The following MOCS1 variants were observed in gnomAD, a reference collection of about 807,000 sequenced individuals.
MOCS1 encodes the protein molybdenum cofactor biosynthesis protein 1.
MOCS1 carries 39 observed loss-of-function variants against 57.6 expected under a neutral mutation model. The observed-to-expected ratio is 0.68, with a 90% CI of 0.52 to 0.88. MOCS1 has a LOEUF of 0.88. Among genes scored for constraint, MOCS1 ranks in the 40% least tolerant of loss-of-function variants. MOCS1 has a pLI of 0.00. For missense variants in MOCS1, 795 were observed against 831.1 expected, an observed-to-expected ratio of 0.96 and a Z score of 0.53; for synonymous variants, 334 against 335.7, an observed-to-expected ratio of 1.00 and a Z score of 0.05.
chr6:39,922,722 G>T (rs562577418), intron 3 of MOCS1, among the ~76,000 whole-genome samples: 1 of 152,290 alleles, frequency 6.6e-6, no homozygotes, highest in South Asian at 2.1e-4. Context: ...GGGGTGTTCT[G>T]CAGCACCTCT....
intron 4 of MOCS1, among the ~76,000 whole-genome samples, chr6:39,915,608 C>T (rs1469351517): frequency 6.6e-6 from 1 of 152,056 alleles, no homozygotes; most frequent in Admixed American, 6.5e-5. Context: ...ATAGGAGGGG[C>T]TTATACCCAG....
chr6:39,913,656 C>T lies in MOCS1; in HGVS notation c.645+118G>A, dbSNP rs73414868. The T allele has an allele frequency of 5.3e-3, 6,395 of 1,204,554 alleles. 215 individuals carry two copies. The African/African-American group carries it at 0.077, about 14-fold the overall frequency. 74.6% of individuals were successfully genotyped at this position (1,204,554 alleles called of 1,614,324 possible). On this transcript the variant is annotated intron_variant, in intron 5 of 10. Transcript: ENST00000340692. ...GGGAGAGAAGAGGTGGAAGGGTGCA[C>T]GTACTTCAGCCATGCTGGCCAGAGC...
chr6:39,906,876 T>C lies in MOCS1; in HGVS notation c.1392A>G (p.Pro464=). The change falls in exon 11 of 11, where the codon CCA becomes CCG. Residue 464 remains proline (P), a synonymous_variant. Coordinates refer to ENST00000340692, the MANE Select transcript of MOCS1 (RefSeq NM_001358530.2). ...AGGGGGCAGCAGAAGCCCAGGAACCTGGGCTAAGGCACTTTGAGTTGGCAT... is the reference window on the plus strand; with the variant it reads ...AGGGGGCAGCAGAAGCCCAGGAACCCGGGCTAAGGCACTTTGAGTTGGCAT... ...DSDANSKCLS[P]GSWASAAPSG... is the part of the protein sequence containing the mutation. 1 of 1,614,194 alleles carries C rather than the reference T, an allele frequency of 6.2e-7. No homozygotes were observed. Among genetic ancestry groups the C allele is most frequent in the Non-Finnish European group, 8.5e-7 (1 of 1,180,040 alleles).
rs773780855 is a variant in MOCS1 at position 39,905,651 on chromosome 6, G to A, written c.*706C>T. On this transcript the variant is annotated 3_prime_UTR_variant, in exon 11 of 11. Coordinates refer to ENST00000340692, the MANE Select transcript of MOCS1 (RefSeq NM_001358530.2). ...GGAACAGCCGTGAACAGGGCCAGGT[G>A]TGGGCTGTGTGGTCTGGCAGGAGTC... 4 of 471,106 alleles carry A rather than the reference G, an allele frequency of 8.5e-6. No homozygotes were observed. Among genetic ancestry groups the A allele is most frequent in the Non-Finnish European group, 8.8e-6 (2 of 227,088 alleles). 29.2% of individuals were successfully genotyped at this position (471,106 alleles called of 1,614,324 possible).
At chr6:39,913,554 A>C in intron 5 of MOCS1, 126 bp from the exon 6 acceptor site, 1 of 967,750 alleles carries the variant, frequency 1.0e-6, no homozygotes, top group Non-Finnish European at 1.6e-6. Flanking sequence ...TCTCCCACTC[A>C]GTTCTCTAAG....
At chr6:39,930,038 C>A (rs145870112) in intron 1 of MOCS1, among the ~76,000 whole-genome samples, 1 of 151,692 alleles carries the variant, frequency 6.6e-6, no homozygotes, top group Non-Finnish European at 1.5e-5. Context: ...GTGACCTTGT[C>A]TAGACTTATG....
At chr6:39,921,122 G>T (rs1767942376) in intron 3 of MOCS1, among the ~76,000 whole-genome samples, 1 of 151,630 alleles carries the variant, frequency 6.6e-6, no homozygotes, top group Non-Finnish European at 1.5e-5. Flanking sequence ...CCAAATGGCT[G>T]GGCGCAGTGG....
At chr6:39,910,901 C>T (rs949526887) in intron 8 of MOCS1, among the ~76,000 whole-genome samples, 2 of 152,094 alleles carry the variant, frequency 1.3e-5, no homozygotes, top group Admixed American at 1.3e-4. Flanking sequence ...CATTTCTCCC[C>T]TACTTCCTCC....
intron 8 of MOCS1, among the ~76,000 whole-genome samples, chr6:39,911,320 C>T (rs2149401786): frequency 6.6e-6 from 1 of 152,300 alleles, no homozygotes; most frequent in South Asian, 2.1e-4. Context: ...TCATCACCCT[C>T]CCACAATTGT....
Position 39,905,617 on chromosome 6 carries a change from G to T in MOCS1, c.*740C>A, listed in dbSNP as rs1485979194. The T allele has an allele frequency of 2.1e-6, 1 of 471,212 alleles. No homozygotes were observed. Among genetic ancestry groups the T allele is most frequent in the Admixed American group, 2.3e-5 (1 of 42,584 alleles). 29.2% of individuals were successfully genotyped at this position (471,212 alleles called of 1,614,324 possible). On this transcript the variant is annotated 3_prime_UTR_variant, in exon 11 of 11. Coordinates refer to ENST00000340692, the MANE Select transcript of MOCS1 (RefSeq NM_001358530.2). ...TCCCTGATATGCTCCAGAATAAAGAGGGGTGGGTGGAACAGCCGTGAACAG... is the reference window on the plus strand; with the variant it reads ...TCCCTGATATGCTCCAGAATAAAGATGGGTGGGTGGAACAGCCGTGAACAG...
chr6:39,909,984 C>G lies in MOCS1; in HGVS notation c.982-29G>C, dbSNP rs764593269. 5 of 1,610,892 alleles carry G rather than the reference C, an allele frequency of 3.1e-6. No homozygotes were observed. In the Admixed American group the frequency reaches 6.7e-5, roughly 21 times the overall value. ...CATGTGGGTGAGGACAATATGCCTTCCTTACCCCTGAGCCTTGGCCTCCTG... is the reference window on the plus strand; with the variant it reads ...CATGTGGGTGAGGACAATATGCCTTGCTTACCCCTGAGCCTTGGCCTCCTG... On this transcript the variant is annotated intron_variant, in intron 8 of 10. Transcript: ENST00000340692.
Position 39,913,004 on chromosome 6 carries a change from C to T in MOCS1, c.758G>A (p.Gly253Asp). The T allele has an allele frequency of 6.2e-7, 1 of 1,613,902 alleles. No individual in the cohort carries two copies. Among genetic ancestry groups the T allele is most frequent in the Non-Finnish European group, 8.5e-7 (1 of 1,179,782 alleles). ...CATCTTCTTGAAGTTCCACTTGTTGCCTGTATTCGGGATGGGGGAAGGCAA... is the reference window on the plus strand; with the variant it reads ...CATCTTCTTGAAGTTCCACTTGTTGTCTGTATTCGGGATGGGGGAAGGCAA... ...VRFIEYMPFD[G>D]NKWNFKKMVS... Residue 253 changes from glycine to aspartate, a missense_variant and splice_region_variant, in exon 7 of 11, where the codon GGC becomes GAC. By Grantham distance (94) the Gly-to-Asp change is moderately conservative. Transcript: ENST00000340692.
At chr6:39,927,714 G>C in intron 1 of MOCS1, 2 of 1,531,954 alleles carry the variant, frequency 1.3e-6, no homozygotes, top group South Asian at 1.2e-5. Flanking sequence ...GAAGATTTCT[G>C]GCTGGGCAGC....
intron 2 of MOCS1, 148 bp downstream of exon 2, chr6:39,927,181 C>T: frequency 1.0e-6 from 1 of 978,230 alleles, no homozygotes; most frequent in Non-Finnish European, 1.5e-6. Context: ...CCCTGAAGCC[C>T]ACCTGGCCTG....
chr6:39,923,939 T>C (rs749938732), intron 3 of MOCS1, among the ~76,000 whole-genome samples: 6 of 152,166 alleles, frequency 3.9e-5, no homozygotes, highest in Non-Finnish European at 8.8e-5. Flanking sequence ...AAGAGGGCAC[T>C]CCAGCGAACA....
intron 1 of MOCS1, among the ~76,000 whole-genome samples, chr6:39,927,907 T>C (rs1275074514): frequency 6.6e-6 from 1 of 152,060 alleles, no homozygotes; most frequent in Non-Finnish European, 1.5e-5. Flanking sequence ...CTCTTTCCCA[T>C]GTACAAGTCT....
intron 1 of MOCS1, among the ~76,000 whole-genome samples, chr6:39,928,195 C>T (rs543310177): frequency 1.6e-4 from 24 of 148,988 alleles, no homozygotes; most frequent in African/African-American, 5.7e-4. Context: ...GATGGAGTCT[C>T]GCTCTTTTGC....
intron 9 of MOCS1, 57 bp from the exon 10 acceptor site, chr6:39,909,159 G>C (rs1452790814): frequency 1.2e-6 from 1 of 847,560 alleles, no homozygotes; most frequent in African/African-American, 1.8e-5. Context: ...GAGAGGGAGA[G>C]GAAAGCAGGG....
Position 39,912,251 on chromosome 6 carries a change from A to C in MOCS1, c.981+13T>G, listed in dbSNP as rs771833995. 33 of 1,590,408 alleles carry C rather than the reference A, an allele frequency of 2.1e-5. No individual in the cohort carries two copies. The African/African-American group carries it at 4.4e-4, about 21-fold the overall frequency. Reference sequence around the variant, plus strand: ...AGGTGGCAAGGGGTCCCTGTGGAGGAGGGGATGCTCACCTTGAGGTTCCCA... The same window carrying C: ...AGGTGGCAAGGGGTCCCTGTGGAGGCGGGGATGCTCACCTTGAGGTTCCCA... On this transcript the variant is annotated intron_variant, in intron 8 of 10. Transcript: ENST00000340692.
Sources: allele counts gnomAD v4.1 joint callset (sites outside exome capture counted in the v4.1 genomes callset), GRCh38; gene constraint gnomAD v4.1.1; transcripts MANE v1.5; gene names NCBI Gene and HGNC (gene_info 2026-07-23, HGNC 2026-07-21).